EVI5L: variants seen among roughly 807,000 people sequenced by gnomAD.
The protein encoded by EVI5L is EVI5-like protein.
In EVI5L, 30 loss-of-function variants were observed where a neutral mutation model predicts 106.1. The observed-to-expected ratio is 0.28, with a 90% confidence interval of 0.21 to 0.38. EVI5L has a LOEUF of 0.38. EVI5L is among the 10% of genes least tolerant of loss of function. The probability of loss-of-function intolerance (pLI) is 1.00; values close to 1 mark genes in which losing one functional copy is unlikely to be tolerated. For synonymous variants in EVI5L, 489 were observed against 483.3 expected (o/e 1.01, Z -0.15); for missense variants, 809 against 1,098.0 (o/e 0.74, Z 3.72).
chr19:7,846,964 C>A, intron 2 of EVI5L, among the ~76,000 whole-genome samples: 1 of 152,170 alleles, frequency 6.6e-6, no homozygotes, highest in South Asian at 2.1e-4. Context: ...TCGATTCGGG[C>A]CTTCCTGCTT....
Position 7,850,131 on chromosome 19 carries a change from G to A in EVI5L, c.753+9G>A. On this transcript the variant is annotated intron_variant, in intron 6 of 19. Coordinates refer to ENST00000538904, the MANE Select transcript of EVI5L (RefSeq NM_001159944.3). The surrounding 1 kb of genome is among the most constrained non-coding windows in gnomAD (Gnocchi z 5.4). ...TCGAGTACATGCTGCAGGTGAGCAGGGCCGCAGGAGAGCAGGGCTGCAGGA... is the reference window on the plus strand; with the variant it reads ...TCGAGTACATGCTGCAGGTGAGCAGAGCCGCAGGAGAGCAGGGCTGCAGGA... The A allele has an allele frequency of 6.3e-7, 1 of 1,599,368 alleles. No homozygotes were observed. Among genetic ancestry groups the A allele is most frequent in the Non-Finnish European group, 8.5e-7 (1 of 1,173,528 alleles).
Position 7,856,210 on chromosome 19 carries a change from C to T in EVI5L, c.1200+142C>T, listed in dbSNP as rs1333433228. The stretch of plus-strand genomic sequence containing the variant: ...GCAGCCCTACCTTCCTGCCCCAGGA[C>T]CCGACCTGAACCCGATTTGGAGTGC... On this transcript the variant is annotated intron_variant, in intron 11 of 19. Coordinates refer to ENST00000538904, the MANE Select transcript of EVI5L (RefSeq NM_001159944.3). The surrounding 1 kb of genome is among the most constrained non-coding windows in gnomAD (Gnocchi z 6.6). 2.4e-6 allele frequency: 2 copies of T among 830,808 alleles called. No individual in the cohort carries two copies. Among genetic ancestry groups the T allele is most frequent in the East Asian group, 3.3e-5 (1 of 30,422 alleles). 51.5% of individuals were successfully genotyped at this position (830,808 alleles called of 1,614,324 possible).
rs893647163 is a variant in EVI5L at position 7,836,056 on chromosome 19, G to A, written c.-48+5675G>A. 3.9e-5 allele frequency among the ~76,000 whole-genome samples: 6 copies of A among 152,090 alleles called. No individual in the cohort carries two copies. The East Asian group carries it at 9.6e-4, about 24-fold the overall frequency. On this transcript the variant is annotated intron_variant, in intron 1 of 19. Transcript: ENST00000538904. ...GTTCAAGACCAACCTGGCCAACATGGCGATACCCTGTCTCTACTAAAAATA... is the reference window on the plus strand; with the variant it reads ...GTTCAAGACCAACCTGGCCAACATGACGATACCCTGTCTCTACTAAAAATA...
rs1979073425 is a variant in EVI5L at position 7,848,560 on chromosome 19, TGCACTCCG to T, written c.328-358_328-351del. The stretch of plus-strand genomic sequence containing the variant: ...TAGCAGTGAGCCAAGATCACGCCAC[TGCACTCCG>T]GCGTGGGCAACAGAGTGAGACTCCA... On this transcript the variant is annotated intron_variant, in intron 3 of 19. Transcript: ENST00000538904. The surrounding 1 kb of genome is among the most constrained non-coding windows in gnomAD (Gnocchi z 4.8). Among the ~76,000 whole-genome samples the T allele has an allele frequency of 6.6e-6, 1 of 150,816 alleles. No homozygotes were observed. Among genetic ancestry groups the T allele is most frequent in the African/African-American group, 2.4e-5 (1 of 40,826 alleles).
Position 7,856,947 on chromosome 19 carries a change from C to T in EVI5L, c.1201-145C>T, listed in dbSNP as rs1400277907. 9 of 847,880 alleles carry T rather than the reference C, an allele frequency of 1.1e-5. No homozygotes were observed. Among genetic ancestry groups the T allele is most frequent in the Middle Eastern group, 2.1e-4 (1 of 4,656 alleles). 52.5% of individuals were successfully genotyped at this position (847,880 alleles called of 1,614,324 possible). A position where few individuals can be genotyped will look rare whatever the true frequency, so the allele number is the denominator to read the frequency against. The stretch of plus-strand genomic sequence containing the variant: ...CTCCGGGTCCTCTCCTGCTGGTTCT[C>T]TGGTCTTCCCTCCTCTCTCCCCCGC... On this transcript the variant is annotated intron_variant, in intron 11 of 19. Coordinates refer to ENST00000538904, the MANE Select transcript of EVI5L (RefSeq NM_001159944.3). This position sits in a 1 kb window ranked among gnomAD's most constrained non-coding sequence, Gnocchi z 6.6.
At chr19:7,861,773 C>T in intron 14 of EVI5L, 105 bp from the exon 15 acceptor site, 2 of 1,455,246 alleles carry the variant, frequency 1.4e-6, no homozygotes, top group Non-Finnish European at 1.8e-6. Flanking sequence ...ATCTGAGCCG[C>T]CCAAGGCAGA....
chr19:7,843,608 T>C (rs1488609985), intron 1 of EVI5L, among the ~76,000 whole-genome samples: 1 of 148,484 alleles, frequency 6.7e-6, no homozygotes, highest in Non-Finnish European at 1.5e-5. Context: ...AGTGTGTGTG[T>C]ATAGGTGTGT....
chr19:7,836,821 A>T (rs183322881), intron 1 of EVI5L, among the ~76,000 whole-genome samples: 32 of 151,726 alleles, frequency 2.1e-4, no homozygotes, highest in Non-Finnish European at 4.0e-4. Context: ...TAATAGAGAC[A>T]GGGTTTCACC....
chr19:7,845,795 G>C lies in EVI5L; in HGVS notation c.-47-701G>C, dbSNP rs1329124364. On this transcript the variant is annotated intron_variant, in intron 1 of 19. Coordinates refer to ENST00000538904, the MANE Select transcript of EVI5L (RefSeq NM_001159944.3). The surrounding 1 kb of genome is among the most constrained non-coding windows in gnomAD (Gnocchi z 4.0). ...GCAAAAAGATAGGAGAGATGTGCCTGGGACTCACCTGGCACGTGGCAGGCC... is the reference window on the plus strand; with the variant it reads ...GCAAAAAGATAGGAGAGATGTGCCTCGGACTCACCTGGCACGTGGCAGGCC... Among the ~76,000 whole-genome samples, 3 of 152,200 alleles carry C rather than the reference G, an allele frequency of 2.0e-5. No individual in the cohort carries two copies. The highest frequency in any genetic ancestry group is 4.4e-5 in the Non-Finnish European group (3 of 68,036).
rs753463598 is a variant in EVI5L, at chr19:7,858,156, G to A, written c.1234-35G>A. ...GCCTTGGGTGGGAGCCGAGGGTCAC[G>A]GCCTCCCCCTGCCCCCTGTCCTCGC... On this transcript the variant is annotated intron_variant, in intron 12 of 19. Coordinates refer to ENST00000538904, the MANE Select transcript of EVI5L (RefSeq NM_001159944.3). This position sits in a 1 kb window ranked among gnomAD's most constrained non-coding sequence, Gnocchi z 5.7. 3.2e-6 allele frequency: 5 copies of A among 1,543,104 alleles called. No homozygotes were observed. Among genetic ancestry groups the A allele is most frequent in the East Asian group, 4.9e-5 (2 of 40,926 alleles).
In EVI5L at chr19:7,850,030, C is replaced by T; in HGVS notation, c.661C>T (p.Arg221Trp). 3.1e-6 allele frequency: 5 copies of T among 1,602,482 alleles called. No individual in the cohort carries two copies. The highest frequency in any genetic ancestry group is 4.3e-6 in the Non-Finnish European group (5 of 1,174,722). Residue 221 changes from arginine (R) to tryptophan (W), a missense_variant, in exon 6 of 20, where the codon CGG becomes TGG. Arg to Trp is a moderately radical substitution (Grantham distance 101). This residue lies in a region of EVI5L where 357 missense variants were observed against 588.1 expected (regional missense o/e 0.61). Coordinates refer to ENST00000538904, the MANE Select transcript of EVI5L (RefSeq NM_001159944.3). This position sits in a 1 kb window ranked among gnomAD's most constrained non-coding sequence, Gnocchi z 5.4. ...PEEEAFCVFV[R>W]LMQEYRLREL... ...GGAGGAGGCCTTCTGTGTGTTCGTG[C>T]GGCTGATGCAGGAGTACCGGCTGCG...
At chr19:7,843,170 GTGT>G (rs1244239635) in intron 1 of EVI5L, among the ~76,000 whole-genome samples, 4 of 148,210 alleles carry the variant, frequency 2.7e-5, no homozygotes, top group Middle Eastern at 7.1e-3. Context: ...ATGGGTGTGT[GTGT>G]TGAGTATGTG....
intron 1 of EVI5L, among the ~76,000 whole-genome samples, chr19:7,833,822 C>G (rs546439786): frequency 4.3e-4 from 65 of 152,152 alleles, no homozygotes; most frequent in Admixed American, 1.2e-3. Context: ...AGCCGCCCTT[C>G]CCAGGGAAGA....
At chr19:7,849,575 GTC>G (rs756146114) in intron 5 of EVI5L, among the ~76,000 whole-genome samples, 6 of 152,230 alleles carry the variant, frequency 3.9e-5, no homozygotes, top group Non-Finnish European at 7.3e-5. Context: ...GGGATAGGCT[GTC>G]TCTCTCTGCC....
Position 7,851,570 on chromosome 19 carries a change from T to C in EVI5L, c.890T>C (p.Met297Thr). The change falls in exon 7 of 20, where the codon ATG (methionine) becomes ACG (threonine). Residue 297 changes from methionine (M) to threonine (T), a missense_variant. Coordinates refer to ENST00000538904, the MANE Select transcript of EVI5L (RefSeq NM_001159944.3). ...GCCACCCGGGTCTTTGACATCTTCA[T>C]GTATGAGGTGAGGACCGATGGTGCC... ...PVATRVFDIF[M>T]YEGLEIVFRV... 2 of 1,612,404 alleles carry C rather than the reference T, an allele frequency of 1.2e-6. No individual in the cohort carries two copies. Among genetic ancestry groups the C allele is most frequent in the Non-Finnish European group, 8.5e-7 (1 of 1,179,294 alleles).
In EVI5L at chr19:7,835,604, G is replaced by T. The variant is rs906246384; in HGVS notation, c.-48+5223G>T. Among the ~76,000 whole-genome samples, 1 of 152,174 alleles carries T rather than the reference G, an allele frequency of 6.6e-6. No homozygotes were observed. The highest frequency in any genetic ancestry group is 1.5e-5 in the Non-Finnish European group (1 of 68,036). ...TCTCACCTGGAGCCAAGAGATCTGG[G>T]ATAACAACCTACATTCCAAGGCCAG... is the stretch of plus-strand genomic sequence containing the variant. On this transcript the variant is annotated intron_variant, in intron 1 of 19. Coordinates refer to ENST00000538904, the MANE Select transcript of EVI5L (RefSeq NM_001159944.3). The surrounding 1 kb of genome is among the most constrained non-coding windows in gnomAD (Gnocchi z 4.1).
intron 13 of EVI5L, among the ~76,000 whole-genome samples, chr19:7,859,475 CT>C (rs1160598188): frequency 6.6e-6 from 1 of 152,268 alleles, no homozygotes; most frequent in Non-Finnish European, 1.5e-5. Context: ...TGGCTCAAGC[CT>C]TGGCCCAGGG....
chr19:7,830,843 C>T (rs1401581610), intron 1 of EVI5L, among the ~76,000 whole-genome samples: 1 of 146,758 alleles, frequency 6.8e-6, no homozygotes, highest in East Asian at 2.1e-4. Context: ...CCCCGCACCC[C>T]CTCACTTCAC....
At position 7,854,157 on chromosome 19, in the gene EVI5L, C is replaced by G. The variant is rs577364075; in HGVS notation, c.1146+824C>G. 5.0e-4 allele frequency among the ~76,000 whole-genome samples: 76 copies of G among 151,620 alleles called. No homozygotes were observed. The South Asian group carries it at 7.5e-3, about 15-fold the overall frequency. ...ATTAGCTGGGTGTGGTAGCACACAC[C>G]TGTAATCCTGGCTACTCGGGAGGCT... On this transcript the variant is annotated intron_variant, in intron 10 of 19. Coordinates refer to ENST00000538904, the MANE Select transcript of EVI5L (RefSeq NM_001159944.3).
Sources: gnomAD v4.1 joint callset for allele counts (sites outside exome capture counted in the v4.1 genomes callset) on GRCh38, gnomAD v4.1.1 for gene constraint, gnomAD v4.1.1 regional missense constraint, Gnocchi (gnomAD v3.1) non-coding constraint, MANE v1.5 for transcripts, NCBI Gene and HGNC (gene_info 2026-07-23, HGNC 2026-07-21) for gene names.